Variants in BMS1 observed in about 807,000 individuals in gnomAD.
BMS1 encodes ribosome biogenesis protein BMS1 homolog.
In BMS1, 53 loss-of-function variants were observed where a neutral mutation model predicts 138.7. The ratio of observed to expected loss-of-function variants is 0.38; its 90% CI spans 0.31 to 0.48. The LOEUF (loss-of-function observed/expected upper bound fraction) is 0.48. Ranked by LOEUF, BMS1 falls within the 20% of genes least tolerant of loss-of-function variation. The pLI, the probability that BMS1 is intolerant of heterozygous loss-of-function variation, is 0.97. For synonymous variants in BMS1, 504 were observed against 539.9 expected (o/e 0.93, Z 0.92); for missense variants, 1,360 against 1,565.5 (o/e 0.87, Z 2.22).
In BMS1 at chr10:42,831,727, T is replaced by C. The variant is rs1451456033; in HGVS notation, c.*631T>C. On this transcript the variant is annotated 3_prime_UTR_variant, in exon 23 of 23. Coordinates refer to ENST00000374518, the MANE Select transcript of BMS1 (RefSeq NM_014753.4). Reference sequence around the variant, plus strand: ...GTGACAAGGTAACAGTAAGTACTTTTTTAAAGCTTTAGACTTAGGAGATTA... The same window carrying C: ...GTGACAAGGTAACAGTAAGTACTTTCTTAAAGCTTTAGACTTAGGAGATTA... 1 of 152,554 alleles carries C rather than the reference T, an allele frequency of 6.6e-6. No homozygotes were observed. Among genetic ancestry groups the C allele is most frequent in the East Asian group, 1.9e-4 (1 of 5,200 alleles). 9.5% of individuals were successfully genotyped at this position (152,554 alleles called of 1,614,324 possible).
At chr10:42,824,586 G>A (rs1165806512) in intron 21 of BMS1, among the ~76,000 whole-genome samples, 5 of 152,098 alleles carry the variant, frequency 3.3e-5, no homozygotes, top group Non-Finnish European at 7.4e-5. Flanking sequence ...TTCTCCCTAT[G>A]TTTTCTTCTA....
In BMS1 at chr10:42,790,599, AT is replaced by A; in HGVS notation, c.636+89del. The A allele has an allele frequency of 5.7e-6, 8 of 1,391,426 alleles. No homozygotes were observed. The South Asian group carries it at 9.3e-5, about 16-fold the overall frequency. The allele number at this position is 1,391,426 out of a possible 1,614,324, so 86.2% of individuals were successfully genotyped here. A position where few individuals can be genotyped will look rare whatever the true frequency, so the allele number is the denominator to read the frequency against. On this transcript the variant is annotated intron_variant, in intron 5 of 22. Coordinates refer to ENST00000374518, the MANE Select transcript of BMS1 (RefSeq NM_014753.4). The stretch of plus-strand genomic sequence containing the variant: ...CCGGGTGCAGTGGCTAACACCTGTA[AT>A]CCCAGCACTTTGCAAGGCAGAGGCG...
Position 42,830,401 on chromosome 10 carries a change from A to G in BMS1, c.3597A>G (p.Ile1199Met). Residue 1199 changes from isoleucine to methionine, a missense_variant, in exon 22 of 23, where the codon ATA (isoleucine) becomes ATG (methionine). By Grantham distance (10) the Ile-to-Met change is conservative (BLOSUM62 1). This residue lies in a region of BMS1 where 425 missense variants were observed against 568.3 expected (regional missense o/e 0.75). Coordinates refer to ENST00000374518, the MANE Select transcript of BMS1 (RefSeq NM_014753.4). Reference protein sequence around the residue: ...VPKDRRRPAVIREPHERKILA... With the variant: ...VPKDRRRPAVMREPHERKILA... ...AGGACAGGCGGAGACCGGCCGTCAT[A>G]CGCGAGCCTCATGAAAGAAAGGTAC... The G allele has an allele frequency of 6.2e-7, 1 of 1,609,346 alleles. No individual in the cohort carries two copies. Among genetic ancestry groups the G allele is most frequent in the East Asian group, 2.2e-5 (1 of 44,862 alleles).
rs540163265 is a variant in BMS1, at chr10:42,797,570, T to C, written c.2089+47T>C. 14 of 1,564,956 alleles carry C rather than the reference T, an allele frequency of 8.9e-6. No individual in the cohort carries two copies. The East Asian group carries it at 2.2e-4, about 25-fold the overall frequency. On this transcript the variant is annotated intron_variant, in intron 11 of 22. Transcript: ENST00000374518. ...CTAGAAATGTTTTAGTTTCTCTGAT[T>C]ATTTAGATGAGGGAATTGGTTGGAG...
intron 20 of BMS1, 101 bp downstream of exon 20, chr10:42,823,366 C>G: frequency 7.0e-7 from 1 of 1,423,264 alleles, no homozygotes; most frequent in Non-Finnish European, 9.4e-7. Context: ...GAGAGTTGAG[C>G]AGCTCCAGCC....
chr10:42,787,904 G>C (rs142854632), intron 4 of BMS1, among the ~76,000 whole-genome samples: 53 of 152,286 alleles, frequency 3.5e-4, no homozygotes, highest in African/African-American at 1.3e-3. Context: ...TCACTATTCT[G>C]ATAGTCTATT....
chr10:42,796,921 C>A lies in BMS1; in HGVS notation c.1677C>A (p.Asp559Glu). The A allele has an allele frequency of 6.2e-7, 1 of 1,614,168 alleles. No individual in the cohort carries two copies. The highest frequency in any genetic ancestry group is 8.5e-7 in the Non-Finnish European group (1 of 1,180,028). Reference protein sequence around the residue: ...AGLSPANCQSDRVNLEKSLLM... With the variant: ...AGLSPANCQSERVNLEKSLLM... Reference sequence around the variant, plus strand: ...TGTCACCAGCTAATTGCCAGAGTGACCGTGTGAATCTGGAGAAGTCTTTGC... The same window carrying A: ...TGTCACCAGCTAATTGCCAGAGTGAACGTGTGAATCTGGAGAAGTCTTTGC... The change falls in exon 10 of 23, where the codon GAC (aspartate) becomes GAA (glutamate). Residue 559 changes from aspartate to glutamate, a missense_variant. Asp to Glu is a conservative substitution (Grantham distance 45). This residue lies in a region of BMS1 where 697 missense variants were observed against 686.2 expected (regional missense o/e 1.02). Transcript: ENST00000374518.
intron 21 of BMS1, among the ~76,000 whole-genome samples, chr10:42,826,503 C>T (rs1842650264): frequency 6.6e-6 from 1 of 152,166 alleles, no homozygotes; most frequent in Admixed American, 6.5e-5. Flanking sequence ...GCAAGGACCC[C>T]AGAATGATGG....
At position 42,790,372 on chromosome 10, in the gene BMS1, A is replaced by G; in HGVS notation, c.497A>G (p.Glu166Gly). Residue 166 changes from glutamate (E) to glycine (G), a missense_variant, in exon 5 of 23, where the codon GAG becomes GGG. Transcript: ENST00000374518. ...TTTGGGTTTGAAATGGAAACGTTTG[A>G]GTTTCTAAACATCTGTCAAGTACAT... ...ASFGFEMETF[E>G]FLNICQVHGF... is the part of the protein sequence containing the mutation. 6.2e-7 allele frequency: 1 copy of G among 1,613,860 alleles called. No individual in the cohort carries two copies.
At position 42,785,753 on chromosome 10, in the gene BMS1, G is replaced by A; in HGVS notation, c.367+81G>A. 14 of 1,428,834 alleles carry A rather than the reference G, an allele frequency of 9.8e-6. No homozygotes were observed. In the South Asian group the frequency reaches 1.7e-4, roughly 17 times the overall value. The allele number at this position is 1,428,834 out of a possible 1,614,324, so 88.5% of individuals were successfully genotyped here. Reference sequence around the variant, plus strand: ...ATGCATGCGTTTGTTGTTTTCTTGAGTGGAACATGTTAAATATTGTCATAT... The same window carrying A: ...ATGCATGCGTTTGTTGTTTTCTTGAATGGAACATGTTAAATATTGTCATAT... On this transcript the variant is annotated intron_variant, in intron 3 of 22. Transcript: ENST00000374518.
chr10:42,790,044 C>A (rs1335632589), intron 4 of BMS1, among the ~76,000 whole-genome samples: 1 of 152,096 alleles, frequency 6.6e-6, no homozygotes, highest in Non-Finnish European at 1.5e-5. Flanking sequence ...CCTGTGTAGT[C>A]ATTTGATTTA....
intron 7 of BMS1, 113 bp from the exon 8 acceptor site, chr10:42,792,844 T>A (rs1752523588): frequency 7.4e-7 from 1 of 1,342,986 alleles, no homozygotes; most frequent in South Asian, 1.4e-5. Flanking sequence ...ATGCCCTTCT[T>A]TAGTGTTATG....
intron 15 of BMS1, among the ~76,000 whole-genome samples, chr10:42,817,918 A>G (rs1193938002): frequency 4.6e-5 from 7 of 152,190 alleles, no homozygotes; most frequent in Non-Finnish European, 7.3e-5. Context: ...TCCCAGGGGA[A>G]GTGCTCTGAA....
chr10:42,816,595 C>G lies in BMS1; in HGVS notation c.2330-4C>G. 1 of 1,607,956 alleles carries G rather than the reference C, an allele frequency of 6.2e-7. No individual in the cohort carries two copies. The highest frequency in any genetic ancestry group is 8.5e-7 in the Non-Finnish European group (1 of 1,178,586). On this transcript the variant is annotated splice_polypyrimidine_tract_variant and splice_region_variant and intron_variant, in intron 13 of 22. Transcript: ENST00000374518. ...AGAGCAGCCTTTGGGTGTTCTTTTCCCAGAGGAGCTCTACGGTGACTTTGA... is the reference window on the plus strand; with the variant it reads ...AGAGCAGCCTTTGGGTGTTCTTTTCGCAGAGGAGCTCTACGGTGACTTTGA...
At chr10:42,817,823 G>A (rs755824940) in intron 15 of BMS1, among the ~76,000 whole-genome samples, 25 of 152,246 alleles carry the variant, frequency 1.6e-4, no homozygotes, top group Non-Finnish European at 2.9e-4. Flanking sequence ...TTCAGTGCAA[G>A]CATTGGCGGC....
At chr10:42,807,295 T>G (rs998124302) in intron 13 of BMS1, among the ~76,000 whole-genome samples, 3 of 152,142 alleles carry the variant, frequency 2.0e-5, no homozygotes, top group African/African-American at 7.2e-5. Flanking sequence ...AATCATACAG[T>G]CTATAAACTT....
At position 42,796,616 on chromosome 10, in the gene BMS1, A is replaced by G. The variant is rs757808555; in HGVS notation, c.1372A>G (p.Asn458Asp). ...DEMSEDDGLENGSSDEEAEEE... is the reference protein window; with the variant it reads ...DEMSEDDGLEDGSSDEEAEEE... ...AATGTCTGAAGATGACGGGTTGGAA[A>G]ACGGCTCTAGTGATGAGGAAGCAGA... The change falls in exon 10 of 23, where the codon AAC (asparagine) becomes GAC (aspartate). Residue 458 changes from asparagine to aspartate, a missense_variant. By Grantham distance (23) the Asn-to-Asp change is conservative. Transcript: ENST00000374518. 1 of 1,614,162 alleles carries G rather than the reference A, an allele frequency of 6.2e-7. No individual in the cohort carries two copies. Among genetic ancestry groups the G allele is most frequent in the Admixed American group, 1.7e-5 (1 of 60,006 alleles).
intron 9 of BMS1, among the ~76,000 whole-genome samples, chr10:42,794,828 A>G (rs1445254572): frequency 6.6e-6 from 1 of 151,420 alleles, no homozygotes; most frequent in Non-Finnish European, 1.5e-5. Flanking sequence ...TTAGTTACAT[A>G]TGTATACATG....
At chr10:42,798,697 A>T (rs1841774761) in intron 12 of BMS1, 72 bp downstream of exon 12, 3 of 1,572,428 alleles carry the variant, frequency 1.9e-6, no homozygotes, top group Middle Eastern at 1.7e-4. Context: ...ATCTGATGTC[A>T]ATATTGCTTA....
Sources: gnomAD v4.1 joint callset for allele counts (sites outside exome capture counted in the v4.1 genomes callset) on GRCh38, gnomAD v4.1.1 for gene constraint, gnomAD v4.1.1 regional missense constraint, MANE v1.5 for transcripts, NCBI Gene and HGNC (gene_info 2026-07-23, HGNC 2026-07-21) for gene names.